The following CDK19 variants were observed in gnomAD, a reference collection of about 807,000 sequenced individuals.
CDK19 encodes cyclin dependent kinase 19, also known as cyclin-dependent kinase 19.
Under a neutral mutation model 68.3 loss-of-function variants are expected in CDK19, and 20 were observed. The ratio of observed to expected loss-of-function variants is 0.29; its 90% CI spans 0.21 to 0.43. The LOEUF is 0.43. Among genes scored for constraint, CDK19 ranks in the 20% least tolerant of loss-of-function variants. CDK19 has a pLI of 1.00. For synonymous variants in CDK19, 221 were observed against 222.8 expected (o/e 0.99, Z 0.07); for missense variants, 339 against 623.5 (o/e 0.54, Z 4.86).
intron 4 of CDK19, among the ~76,000 whole-genome samples, chr6:110,660,173 C>T (rs975841430): frequency 5.3e-5 from 8 of 152,164 alleles, no homozygotes; most frequent in East Asian, 1.9e-4. Context: ...GATAGTGAAA[C>T]AGGATATTTC....
chr6:110,695,548 A>G (rs1048938905), intron 2 of CDK19, among the ~76,000 whole-genome samples: 2 of 152,248 alleles, frequency 1.3e-5, no homozygotes, highest in African/African-American at 4.8e-5. Context: ...CAATAGATCA[A>G]TGAAACAACT....
At chr6:110,723,852 G>A (rs1381163074) in intron 2 of CDK19, among the ~76,000 whole-genome samples, 5 of 151,848 alleles carry the variant, frequency 3.3e-5, no homozygotes, top group Non-Finnish European at 5.9e-5. Flanking sequence ...ATCGCTTCTC[G>A]GCCTTTTGGC....
intron 2 of CDK19, among the ~76,000 whole-genome samples, chr6:110,732,833 G>A (rs1478328308): frequency 1.3e-5 from 2 of 152,104 alleles, no homozygotes; most frequent in Non-Finnish European, 2.9e-5. Context: ...GTGGAGGGCC[G>A]AGGCAGGCGG....
intron 2 of CDK19, among the ~76,000 whole-genome samples, chr6:110,745,218 T>G (rs1777991004): frequency 6.6e-6 from 1 of 152,156 alleles, no homozygotes; most frequent in Non-Finnish European, 1.5e-5. Flanking sequence ...AAATTTTATT[T>G]CACAGATTGT....
chr6:110,714,319 G>A (rs1365681381), intron 2 of CDK19, among the ~76,000 whole-genome samples: 1 of 152,160 alleles, frequency 6.6e-6, no homozygotes. Flanking sequence ...ATCAGCTGAT[G>A]GATACGACAG....
intron 2 of CDK19, among the ~76,000 whole-genome samples, chr6:110,728,904 C>T (rs1776546806): frequency 6.6e-6 from 1 of 152,218 alleles, no homozygotes; most frequent in African/African-American, 2.4e-5. Context: ...TGCCATGATA[C>T]TAGCTTTTCC....
chr6:110,802,773 T>C (rs1782428316), intron 1 of CDK19, among the ~76,000 whole-genome samples: 1 of 152,170 alleles, frequency 6.6e-6, no homozygotes, highest in Non-Finnish European at 1.5e-5. Flanking sequence ...AAGTTTATAA[T>C]TTAAAGCCAT....
At chr6:110,712,160 A>T (rs1774995690) in intron 2 of CDK19, among the ~76,000 whole-genome samples, 1 of 152,198 alleles carries the variant, frequency 6.6e-6, no homozygotes, top group East Asian at 1.9e-4. Flanking sequence ...GAGTTCAAAT[A>T]AGTTTGGGAA....
At chr6:110,671,099 A>G (rs940314553) in intron 2 of CDK19, among the ~76,000 whole-genome samples, 2 of 152,090 alleles carry the variant, frequency 1.3e-5, no homozygotes, top group Non-Finnish European at 2.9e-5. Context: ...AGTAGTGAGT[A>G]TAAGGGAATG....
At chr6:110,734,452 G>A (rs765167193) in intron 2 of CDK19, among the ~76,000 whole-genome samples, 3 of 148,082 alleles carry the variant, frequency 2.0e-5, no homozygotes, top group Non-Finnish European at 4.5e-5. Flanking sequence ...CTACAGTTTG[G>A]TAGGCTTAAA....
chr6:110,806,378 C>T (rs1383772638), intron 1 of CDK19, among the ~76,000 whole-genome samples: 1 of 151,668 alleles, frequency 6.6e-6, no homozygotes, highest in African/African-American at 2.4e-5. Context: ...TAACATTTCA[C>T]TTCCTTATTC....
intron 1 of CDK19, among the ~76,000 whole-genome samples, chr6:110,751,055 G>C (rs1446633777): frequency 1.3e-5 from 2 of 151,898 alleles, no homozygotes; most frequent in South Asian, 2.1e-4. Flanking sequence ...GGCTGGTCTC[G>C]ACTCCTGGCC....
intron 4 of CDK19, among the ~76,000 whole-genome samples, chr6:110,643,030 C>T (rs1171651753): frequency 1.3e-5 from 2 of 152,106 alleles, no homozygotes; most frequent in Non-Finnish European, 2.9e-5. Context: ...GAGCAGCTGC[C>T]AATAATGCAC....
intron 4 of CDK19, among the ~76,000 whole-genome samples, chr6:110,661,559 C>A (rs1166409277): frequency 1.3e-5 from 2 of 152,182 alleles, no homozygotes; most frequent in Non-Finnish European, 2.9e-5. Context: ...AAGCAATCTT[C>A]CCACCTCAGC....
At chr6:110,634,193 A>C (rs573732871) in intron 5 of CDK19, among the ~76,000 whole-genome samples, 1 of 152,222 alleles carries the variant, frequency 6.6e-6, no homozygotes, top group South Asian at 2.1e-4. Flanking sequence ...AAATCTTTTT[A>C]ATTTATAGAA....
Position 110,815,044 on chromosome 6 carries a change from G to T in CDK19, c.93C>A (p.Thr31=). ...GCCTCGCCTTGTAGACGTGACCGTA[G>T]GTGCCGCGTCCCACTTTGCACCCTT... ...EYEGCKVGRG[T]YGHVYKARRK... The change falls in exon 1 of 13, where the codon ACC becomes ACA. Residue 31 remains threonine, a synonymous_variant. Coordinates refer to ENST00000368911, the MANE Select transcript of CDK19 (RefSeq NM_015076.5). The T allele has an allele frequency of 6.2e-7, 1 of 1,604,648 alleles. No homozygotes were observed. Among genetic ancestry groups the T allele is most frequent in the Non-Finnish European group, 8.5e-7 (1 of 1,176,322 alleles).
At chr6:110,642,147 A>G (rs1426816442) in intron 4 of CDK19, among the ~76,000 whole-genome samples, 4 of 152,086 alleles carry the variant, frequency 2.6e-5, no homozygotes, top group Non-Finnish European at 5.9e-5. Flanking sequence ...CTAAAAATAC[A>G]AAAATTAGCT....
intron 4 of CDK19, among the ~76,000 whole-genome samples, chr6:110,650,203 A>G (rs1780876298): frequency 6.6e-6 from 1 of 152,264 alleles, no homozygotes; most frequent in Admixed American, 6.5e-5. Flanking sequence ...TATACTGTTT[A>G]GACATTTATA....
intron 8 of CDK19, among the ~76,000 whole-genome samples, chr6:110,623,739 TA>T (rs1778866164): frequency 4.1e-5 from 1 of 24,562 alleles, no homozygotes; most frequent in African/African-American, 3.3e-4. Context: ...TAATGGCCAA[TA>T]TATATATATA....
Sources: allele counts gnomAD v4.1 joint callset (sites outside exome capture counted in the v4.1 genomes callset), GRCh38; gene constraint gnomAD v4.1.1; transcripts MANE v1.5; gene names NCBI Gene and HGNC (gene_info 2026-07-23, HGNC 2026-07-21).